Variants in HPSE2 observed in about 807,000 individuals in gnomAD.
HPSE2 encodes inactive heparanase-2.
A neutral mutation model predicts 60.5 loss-of-function variants in HPSE2; 38 were observed. That is an observed-to-expected ratio of 0.63 (90% CI 0.48 to 0.82). The LOEUF (loss-of-function observed/expected upper bound fraction) is 0.82, where lower values mean the gene tolerates loss of function less well. Among genes scored for constraint, HPSE2 ranks in the 40% least tolerant of loss-of-function variants. The pLI is 0.00. For missense variants in HPSE2, 713 were observed against 740.4 expected (o/e 0.96, Z 0.43); for synonymous variants, 295 against 293.2 (o/e 1.01, Z -0.06).
chr10:99,057,887 C>T (rs1262472461), intron 3 of HPSE2, among the ~76,000 whole-genome samples: 1 of 149,866 alleles, frequency 6.7e-6, no homozygotes, highest in African/African-American at 2.5e-5. Flanking sequence ...CATTGTCTTA[C>T]AAGACAAGTG....
intron 9 of HPSE2, among the ~76,000 whole-genome samples, chr10:98,598,373 G>A (rs1254485568): frequency 1.3e-5 from 2 of 152,068 alleles, no homozygotes; most frequent in Admixed American, 1.3e-4. Context: ...CTGGATCCTG[G>A]ATCCACTGTG....
chr10:98,754,266 C>T lies in HPSE2; in HGVS notation c.611-10210G>A, dbSNP rs1345884647. 2.6e-5 allele frequency among the ~76,000 whole-genome samples: 4 copies of T among 152,054 alleles called. No homozygotes were observed. In the South Asian group the frequency reaches 8.3e-4, roughly 32 times the overall value. ...AAGCTGAGGAAAGAATCTCAGAGCT[C>T]GAAGGCTAGTTCTTTGAATCAAGTC... On this transcript the variant is annotated intron_variant, in intron 3 of 11. Transcript: ENST00000370552.
chr10:99,299,264 G>A, the HPSE2 span, among the ~76,000 whole-genome samples: 3 of 152,142 alleles, frequency 2.0e-5, no homozygotes, highest in Non-Finnish European at 2.9e-5. Context: ...GCCTGAGGAA[G>A]TAAGCCGGAC....
At chr10:98,518,162 G>A (rs1251202309) in intron 9 of HPSE2, among the ~76,000 whole-genome samples, 1 of 152,170 alleles carries the variant, frequency 6.6e-6, no homozygotes, top group Non-Finnish European at 1.5e-5. Context: ...AACTTGGCAG[G>A]CAGTAATTAA....
At chr10:99,036,117 A>G (rs964530753) in intron 3 of HPSE2, among the ~76,000 whole-genome samples, 6 of 152,116 alleles carry the variant, frequency 3.9e-5, no homozygotes, top group African/African-American at 1.4e-4. Context: ...TGGGAGGCTG[A>G]GGTGGAAGAA....
intron 3 of HPSE2, among the ~76,000 whole-genome samples, chr10:98,943,016 G>A (rs1372394183): frequency 1.4e-5 from 2 of 145,930 alleles, no homozygotes; most frequent in Non-Finnish European, 3.0e-5. Flanking sequence ...TCACTCATAG[G>A]TGGGAATTGA....
intron 11 of HPSE2, among the ~76,000 whole-genome samples, chr10:98,465,534 G>C (rs571542238): frequency 1.3e-5 from 2 of 152,286 alleles, no homozygotes. Flanking sequence ...CTTTACTATG[G>C]GGACAAGGTT....
chr10:98,674,516 A>G (rs1268266652), intron 6 of HPSE2, among the ~76,000 whole-genome samples: 2 of 152,280 alleles, frequency 1.3e-5, no homozygotes, highest in Non-Finnish European at 2.9e-5. Flanking sequence ...AATTCTTAAT[A>G]TAACATAGTT....
At chr10:99,251,862 C>CAAAAAAAA in the HPSE2 span, among the ~76,000 whole-genome samples, 2 of 57,264 alleles carry the variant, frequency 3.5e-5, no homozygotes, top group Non-Finnish European at 7.0e-5. Context: ...CTCTCTCTAC[C>CAAAAAAAA]AAAAAAAAAA....
At chr10:98,532,761 C>T (rs905064421) in intron 9 of HPSE2, among the ~76,000 whole-genome samples, 3 of 152,078 alleles carry the variant, frequency 2.0e-5, no homozygotes, top group African/African-American at 4.8e-5. Context: ...TTTTTTTAGC[C>T]TCTATCATCT....
At chr10:98,821,337 A>G (rs1383119876) in intron 3 of HPSE2, among the ~76,000 whole-genome samples, 1 of 152,168 alleles carries the variant, frequency 6.6e-6, no homozygotes. Flanking sequence ...TAGGCTAAAA[A>G]CCTGTATAGC....
At chr10:98,461,981 G>C (rs974169396) in intron 11 of HPSE2, among the ~76,000 whole-genome samples, 11 of 152,148 alleles carry the variant, frequency 7.2e-5, no homozygotes, top group African/African-American at 2.7e-4. Context: ...CTGAAATCTC[G>C]AATTCCAGGA....
intron 6 of HPSE2, among the ~76,000 whole-genome samples, chr10:98,646,448 G>A (rs755132526): frequency 9.9e-5 from 15 of 151,724 alleles, no homozygotes; most frequent in Non-Finnish European, 2.1e-4. Flanking sequence ...CATACCACAA[G>A]TCGTCGAGCT....
At chr10:98,681,799 C>A (rs1268774854) in intron 6 of HPSE2, among the ~76,000 whole-genome samples, 1 of 152,100 alleles carries the variant, frequency 6.6e-6, no homozygotes, top group African/African-American at 2.4e-5. Flanking sequence ...AATAATGTCA[C>A]TCTTGTAACT....
chr10:98,851,973 A>G (rs1362725151), intron 3 of HPSE2, among the ~76,000 whole-genome samples: 20 of 141,886 alleles, frequency 1.4e-4, no homozygotes, highest in Non-Finnish European at 6.1e-5. Context: ...ATGACTTTCA[A>G]ATTTAAGATT....
At chr10:99,069,608 A>G (rs886425693) in intron 3 of HPSE2, among the ~76,000 whole-genome samples, 3 of 150,776 alleles carry the variant, frequency 2.0e-5, no homozygotes, top group Non-Finnish European at 4.4e-5. Context: ...CACGCTCACT[A>G]CAGTTAGAGC....
chr10:98,566,955 G>T (rs546830262), intron 9 of HPSE2, among the ~76,000 whole-genome samples: 1 of 152,300 alleles, frequency 6.6e-6, no homozygotes, highest in Non-Finnish European at 1.5e-5. Context: ...AGACTTAGCT[G>T]CCCAAGGAAG....
intron 9 of HPSE2, among the ~76,000 whole-genome samples, chr10:98,533,137 C>T (rs912665481): frequency 4.6e-5 from 7 of 152,176 alleles, no homozygotes; most frequent in African/African-American, 1.7e-4. Context: ...TACCCCTTTC[C>T]AGCTGAAGTT....
At chr10:99,149,572 C>A (rs1300630182) in intron 2 of HPSE2, among the ~76,000 whole-genome samples, 1 of 152,070 alleles carries the variant, frequency 6.6e-6, no homozygotes, top group Non-Finnish European at 1.5e-5. Context: ...TTGTAATGAA[C>A]TTATCACAGT....
Sources: allele counts gnomAD v4.1 joint callset (sites outside exome capture counted in the v4.1 genomes callset), GRCh38; gene constraint gnomAD v4.1.1; transcripts MANE v1.5; gene names NCBI Gene and HGNC (gene_info 2026-07-23, HGNC 2026-07-21).